Variants in STT3B observed in about 807,000 individuals in gnomAD.
The protein encoded by STT3B is STT3 oligosaccharyltransferase complex catalytic subunit B, also known as dolichyl-diphosphooligosaccharide--protein glycosyltransferase subunit STT3B.
Under a neutral mutation model 96.8 loss-of-function variants are expected in STT3B, and 29 were observed. That is an observed-to-expected ratio of 0.30 (90% CI 0.22 to 0.41). The LOEUF (loss-of-function observed/expected upper bound fraction) is 0.41. Ranked by LOEUF, STT3B falls within the 10% of genes least tolerant of loss-of-function variation. The pLI is 1.00. For missense variants in STT3B, 640 were observed against 1,022.3 expected, an observed-to-expected ratio of 0.63 and a Z score of 5.10; for synonymous variants, 367 against 360.0, an observed-to-expected ratio of 1.02 and a Z score of -0.22.
intron 1 of STT3B, among the ~76,000 whole-genome samples, chr3:31,559,666 A>T (rs554067933): frequency 2.0e-5 from 3 of 152,206 alleles, no homozygotes; most frequent in African/African-American, 7.2e-5. Context: ...AATAATGTGT[A>T]TTCTGTAGCT....
At chr3:31,610,488 C>CAATG in intron 5 of STT3B, among the ~76,000 whole-genome samples, 1 of 151,838 alleles carries the variant, frequency 6.6e-6, no homozygotes, top group Non-Finnish European at 1.5e-5. Context: ...AGCTGCAATG[C>CAATG]CTTATCAGAG....
At chr3:31,622,437 G>T in intron 10 of STT3B, 129 bp downstream of exon 10, 2 of 779,338 alleles carry the variant, frequency 2.6e-6, no homozygotes, top group Admixed American at 5.3e-5. Context: ...TTTTCTAGTT[G>T]GTCTCCACTG....
rs975180624 is a variant in STT3B at position 31,636,289 on chromosome 3, G to A, written c.*225G>A. On this transcript the variant is annotated 3_prime_UTR_variant, in exon 16 of 16. Transcript: ENST00000295770. ...AGCAAGACAGAGCACTGCTGTAAAT[G>A]TCTAGCAGCAGATTTTTTTTTTATT... is the stretch of plus-strand genomic sequence containing the variant. 2.4e-5 allele frequency: 9 copies of A among 370,100 alleles called. No homozygotes were observed. The allele number at this position is 370,100 out of a possible 1,614,324, so 22.9% of individuals were successfully genotyped here.
rs574296385 is a variant in STT3B, at chr3:31,533,552, G to A, written c.314+240G>A. 77 of 385,170 alleles carry A rather than the reference G, an allele frequency of 2.0e-4. 1 individual carries two copies. The highest frequency in any genetic ancestry group is 1.5e-3 in the African/African-American group (71 of 47,016). The allele number at this position is 385,170 out of a possible 1,614,324, so 23.9% of individuals were successfully genotyped here. ...AGGAGCGAAACCTTGATTCTCGGCC[G>A]GGCTAGTGTGAAGACTGCCAGGAGT... On this transcript the variant is annotated intron_variant, in intron 1 of 15. Coordinates refer to ENST00000295770, the MANE Select transcript of STT3B (RefSeq NM_178862.3).
rs1444288594 is a variant in STT3B, at chr3:31,610,154, C to A, written c.878-4951C>A. Among the ~76,000 whole-genome samples the A allele has an allele frequency of 2.0e-5, 3 of 151,954 alleles. No individual in the cohort carries two copies. The East Asian group carries it at 5.8e-4, about 29-fold the overall frequency. On this transcript the variant is annotated intron_variant, in intron 5 of 15. Coordinates refer to ENST00000295770, the MANE Select transcript of STT3B (RefSeq NM_178862.3). ...TCCATGTTTCTTACTATTCTTTATC[C>A]TGCATATCTACCAGGGTTCACAGTA...
rs557187403 is a variant in STT3B at position 31,572,194 on chromosome 3, ATAAT to A, written c.315-4195_315-4192del. Among the ~76,000 whole-genome samples, 378 of 144,074 alleles carry A rather than the reference ATAAT, an allele frequency of 2.6e-3. 1 individual carries two copies. Among genetic ancestry groups the A allele is most frequent in the African/African-American group, 9.4e-3 (369 of 39,166 alleles). 94.5% of individuals were successfully genotyped at this position (144,074 alleles called of 152,430 possible). Reference sequence around the variant, plus strand: ...TAATTATATATGAGATATATAATATATAATTAATTATATATATTATATTATATAT... The same window carrying A: ...TAATTATATATGAGATATATAATATATAATTATATATATTATATTATATAT... On this transcript the variant is annotated intron_variant, in intron 1 of 15. Transcript: ENST00000295770.
chr3:31,625,146 C>T, intron 12 of STT3B, 61 bp downstream of exon 12: 2 of 1,450,502 alleles, frequency 1.4e-6, no homozygotes, highest in Non-Finnish European at 1.9e-6. Context: ...AATCAGGCTT[C>T]ACTTGTGACT....
chr3:31,627,070 A>G (rs538310770), intron 13 of STT3B, among the ~76,000 whole-genome samples: 5 of 152,112 alleles, frequency 3.3e-5, no homozygotes, highest in Non-Finnish European at 7.4e-5. Flanking sequence ...TTTCTGGTAT[A>G]CTCACATCTG....
Position 31,533,103 on chromosome 3 carries a change from G to C in STT3B, c.105G>C (p.Gly35=). The change falls in exon 1 of 16, where the codon GGG becomes GGC. Residue 35 remains glycine, a synonymous_variant. Coordinates refer to ENST00000295770, the MANE Select transcript of STT3B (RefSeq NM_178862.3). ...GAAACAGCCGGCACGGCCACCACGG[G>C]CCCGGGGCCCAGTGCGCGCACAAGG... ...ALGNSRHGHH[G]PGAQCAHKAA... The C allele has an allele frequency of 7.0e-7, 1 of 1,437,278 alleles. No homozygotes were observed. 89.0% of individuals were successfully genotyped at this position (1,437,278 alleles called of 1,614,324 possible).
At position 31,533,036 on chromosome 3, in the gene STT3B, C is replaced by G. The variant is rs1696976315; in HGVS notation, c.38C>G (p.Ser13Trp). ...EPSAPESKHK[S>W]SLNSSPWSGL... ...TCGGCCCCGGAGAGCAAGCACAAGTCGTCCCTCAACTCGTCCCCGTGGAGT... is the reference window on the plus strand; with the variant it reads ...TCGGCCCCGGAGAGCAAGCACAAGTGGTCCCTCAACTCGTCCCCGTGGAGT... Residue 13 changes from serine to tryptophan, a missense_variant, in exon 1 of 16, where the codon TCG (serine) becomes TGG (tryptophan). By Grantham distance (177) the Ser-to-Trp change is radical. Transcript: ENST00000295770. 1 of 1,587,508 alleles carries G rather than the reference C, an allele frequency of 6.3e-7. No individual in the cohort carries two copies. Among genetic ancestry groups the G allele is most frequent in the Non-Finnish European group, 8.6e-7 (1 of 1,168,440 alleles).
intron 5 of STT3B, among the ~76,000 whole-genome samples, chr3:31,608,746 T>C (rs554000523): frequency 4.6e-5 from 7 of 152,332 alleles, no homozygotes; most frequent in Admixed American, 1.3e-4. Context: ...AACTCCTGCA[T>C]AGAAGTAGTT....
chr3:31,624,794 A>T, intron 11 of STT3B, 120 bp from the exon 12 acceptor site: 1 of 692,400 alleles, frequency 1.4e-6, no homozygotes, highest in Non-Finnish European at 2.3e-6. Flanking sequence ...AGAGGCTTTT[A>T]CTTAATAACT....
At chr3:31,543,889 T>C (rs1697340798) in intron 1 of STT3B, among the ~76,000 whole-genome samples, 1 of 152,182 alleles carries the variant, frequency 6.6e-6, no homozygotes, top group South Asian at 2.1e-4. Flanking sequence ...TTAGGGAACA[T>C]TGAATAAGAG....
intron 1 of STT3B, among the ~76,000 whole-genome samples, chr3:31,555,327 A>G (rs1230686451): frequency 2.6e-5 from 4 of 152,222 alleles, no homozygotes; most frequent in Middle Eastern, 3.4e-3. Context: ...ACCTATGAAA[A>G]GATAAAAATA....
At chr3:31,535,069 A>G (rs761623072) in intron 1 of STT3B, among the ~76,000 whole-genome samples, 1 of 152,164 alleles carries the variant, frequency 6.6e-6, no homozygotes, top group Non-Finnish European at 1.5e-5. Context: ...TTGACCAAAC[A>G]TTTCAGGTAA....
chr3:31,540,751 A>G (rs975965969), intron 1 of STT3B, among the ~76,000 whole-genome samples: 2 of 152,198 alleles, frequency 1.3e-5, no homozygotes, highest in Non-Finnish European at 2.9e-5. Flanking sequence ...TACTGTTAAA[A>G]AAATTAAAAT....
chr3:31,539,881 G>A (rs6795739), intron 1 of STT3B, among the ~76,000 whole-genome samples: 72,011 of 151,958 alleles, frequency 0.47, 20,085 homozygotes, highest in Non-Finnish European at 0.62. Flanking sequence ...GCCAGTTAAG[G>A]GAATTGGGAG....
At position 31,557,876 on chromosome 3, in the gene STT3B, C is replaced by T. The variant is rs566874570; in HGVS notation, c.315-18520C>T. Among the ~76,000 whole-genome samples the T allele has an allele frequency of 8.5e-5, 13 of 152,304 alleles. 1 individual carries two copies. Among genetic ancestry groups the T allele is most frequent in the East Asian group, 3.9e-4 (2 of 5,190 alleles). On this transcript the variant is annotated intron_variant, in intron 1 of 15. Transcript: ENST00000295770. Reference sequence around the variant, plus strand: ...TGATCTCCTGACCTCGTGATCCGCCCGCCTCAGCCTCCCAAAGTGTTGGGA... The same window carrying T: ...TGATCTCCTGACCTCGTGATCCGCCTGCCTCAGCCTCCCAAAGTGTTGGGA...
intron 1 of STT3B, among the ~76,000 whole-genome samples, chr3:31,549,310 CT>C (rs58268830): frequency 0.044 from 6,606 of 151,760 alleles, 374 homozygotes; most frequent in East Asian, 0.32. Flanking sequence ...AGCATCCCCC[CT>C]GATTCTCCTG....
Sources: allele counts gnomAD v4.1 joint callset (sites outside exome capture counted in the v4.1 genomes callset), GRCh38; gene constraint gnomAD v4.1.1; transcripts MANE v1.5; gene names NCBI Gene and HGNC (gene_info 2026-07-23, HGNC 2026-07-21).